Variants in NTM observed in about 807,000 individuals in gnomAD.
The protein encoded by NTM is neurotrimin, also known as IgLON family member 2.
A neutral mutation model predicts 42.1 loss-of-function variants in NTM; 13 were observed. The ratio of observed to expected loss-of-function variants is 0.31; its 90% CI spans 0.20 to 0.49. The LOEUF (loss-of-function observed/expected upper bound fraction) is 0.49. Ranked by LOEUF, NTM falls within the 20% of genes least tolerant of loss-of-function variation. The probability of loss-of-function intolerance (pLI) is 0.99; values close to 1 mark genes in which losing one functional copy is unlikely to be tolerated. For synonymous variants in NTM, 187 were observed against 179.2 expected (o/e 1.04, Z -0.35); for missense variants, 373 against 452.8 (o/e 0.82, Z 1.60).
intron 3 of NTM, among the ~76,000 whole-genome samples, chr11:132,151,973 T>C (rs2137442041): frequency 6.6e-6 from 1 of 152,360 alleles, no homozygotes; most frequent in African/African-American, 2.4e-5. Flanking sequence ...CCACTTGATA[T>C]ATACAACCGT....
chr11:131,555,455 C>T (rs960745676), intron 1 of NTM, among the ~76,000 whole-genome samples: 10 of 152,144 alleles, frequency 6.6e-5, no homozygotes, highest in African/African-American at 2.4e-4. Context: ...TTCCGGGTCT[C>T]TTCTTGGTGT....
intron 2 of NTM, among the ~76,000 whole-genome samples, chr11:132,110,172 G>A (rs1053848292): frequency 1.3e-5 from 2 of 152,216 alleles, no homozygotes; most frequent in African/African-American, 2.4e-5. Flanking sequence ...CAGGAGGGGA[G>A]GGCCTATGCC....
At chr11:131,802,344 A>C (rs1039314741) in intron 1 of NTM, among the ~76,000 whole-genome samples, 2 of 152,140 alleles carry the variant, frequency 1.3e-5, no homozygotes, top group African/African-American at 4.8e-5. Context: ...GGCCATTTGC[A>C]TGAAAACAGC....
intron 1 of NTM, among the ~76,000 whole-genome samples, chr11:131,694,350 C>G (rs567664240): frequency 1.2e-4 from 18 of 152,176 alleles, no homozygotes; most frequent in African/African-American, 4.3e-4. Context: ...TCAGTCTCCA[C>G]GGGCAGCACT....
At chr11:131,773,641 G>T (rs573672324) in intron 1 of NTM, among the ~76,000 whole-genome samples, 1 of 152,304 alleles carries the variant, frequency 6.6e-6, no homozygotes, top group East Asian at 1.9e-4. Flanking sequence ...AAGTTGAATG[G>T]ATTTCTTTGC....
intron 1 of NTM, chr11:131,538,945 T>G (rs1242879699): frequency 6.8e-6 from 1 of 147,956 alleles, no homozygotes; most frequent in Admixed American, 6.7e-5. Flanking sequence ...TTTTTTTAAT[T>G]TTTTTGAGAA....
chr11:131,382,745 T>A (rs1942843156), intron 1 of NTM, among the ~76,000 whole-genome samples: 1 of 152,214 alleles, frequency 6.6e-6, no homozygotes, highest in Admixed American at 6.5e-5. Context: ...ATCATCCTGA[T>A]CATTATCTTT....
chr11:131,880,213 CT>C (rs528137709), intron 1 of NTM, among the ~76,000 whole-genome samples: 181 of 152,258 alleles, frequency 1.2e-3, no homozygotes, highest in African/African-American at 4.2e-3. Context: ...TTGAGATTGA[CT>C]TTTTTCTCCT....
chr11:131,848,142 A>T (rs1240367042), intron 1 of NTM, among the ~76,000 whole-genome samples: 1 of 152,218 alleles, frequency 6.6e-6, no homozygotes, highest in Non-Finnish European at 1.5e-5. Context: ...TCTAAAGTTC[A>T]GATATAAAGT....
intron 1 of NTM, among the ~76,000 whole-genome samples, chr11:131,802,986 C>T (rs1038233958): frequency 2.6e-5 from 4 of 152,124 alleles, no homozygotes; most frequent in Middle Eastern, 6.3e-3. Context: ...TCCAGATTGT[C>T]GAGTACTGAA....
intron 1 of NTM, among the ~76,000 whole-genome samples, chr11:131,630,197 G>T (rs1475205536): frequency 1.3e-5 from 2 of 152,136 alleles, no homozygotes; most frequent in Non-Finnish European, 2.9e-5. Context: ...TTCTATGAAG[G>T]TGAGAATGGA....
At chr11:131,604,687 G>A (rs889164706) in intron 1 of NTM, among the ~76,000 whole-genome samples, 3 of 138,354 alleles carry the variant, frequency 2.2e-5, no homozygotes, top group Non-Finnish European at 4.6e-5. Context: ...CAAGGTCCAT[G>A]GTAAAATTTA....
chr11:132,039,000 T>C (rs1392690613), intron 2 of NTM, among the ~76,000 whole-genome samples: 1 of 152,196 alleles, frequency 6.6e-6, no homozygotes, highest in African/African-American at 2.4e-5. Flanking sequence ...GCTCCGTGTC[T>C]GAGTGGTTAT....
At chr11:131,536,565 C>T (rs972039749) in intron 1 of NTM, 21 of 152,116 alleles carry the variant, frequency 1.4e-4, no homozygotes, top group Non-Finnish European at 2.6e-4. Context: ...GACCCATAAA[C>T]CCATCACTAG....
intron 1 of NTM, among the ~76,000 whole-genome samples, chr11:131,427,103 A>T (rs550108206): frequency 6.6e-6 from 1 of 152,076 alleles, no homozygotes; most frequent in East Asian, 1.9e-4. Context: ...TGCATCTGGG[A>T]TGCAGTGAAA....
intron 1 of NTM, among the ~76,000 whole-genome samples, chr11:131,638,114 A>T (rs1369351758): frequency 6.6e-6 from 1 of 152,170 alleles, no homozygotes; most frequent in Non-Finnish European, 1.5e-5. Flanking sequence ...TCTGCAGCAT[A>T]ACCTTTTCTG....
intron 3 of NTM, among the ~76,000 whole-genome samples, chr11:132,189,857 A>C (rs2079019653): frequency 6.6e-6 from 1 of 152,208 alleles, no homozygotes; most frequent in African/African-American, 2.4e-5. Flanking sequence ...TGGTGCTCCT[A>C]CTATTCGCAA....
At chr11:131,482,804 C>T (rs1054652496) in intron 1 of NTM, among the ~76,000 whole-genome samples, 3 of 151,988 alleles carry the variant, frequency 2.0e-5, no homozygotes, top group Non-Finnish European at 2.9e-5. Flanking sequence ...GGTACAGATG[C>T]ATGGGAGAGA....
At chr11:131,944,512 G>A (rs973264858) in intron 2 of NTM, among the ~76,000 whole-genome samples, 2 of 152,160 alleles carry the variant, frequency 1.3e-5, no homozygotes, top group Admixed American at 6.5e-5. Flanking sequence ...TGTAATCTCA[G>A]CATTTTGCCC....
Sources: gnomAD v4.1 joint callset for allele counts (sites outside exome capture counted in the v4.1 genomes callset) on GRCh38, gnomAD v4.1.1 for gene constraint, MANE v1.5 for transcripts, NCBI Gene and HGNC (gene_info 2026-07-23, HGNC 2026-07-21) for gene names.